The following INSIG2 variants were observed in gnomAD, a reference collection of about 807,000 sequenced individuals.
INSIG2 encodes the protein insulin induced gene 2.
INSIG2 carries 10 observed loss-of-function variants against 27.2 expected under a neutral mutation model. The ratio of observed to expected loss-of-function variants is 0.37; its 90% CI spans 0.23 to 0.62. The LOEUF is 0.62. Ranked by LOEUF, INSIG2 falls within the 20% of genes least tolerant of loss-of-function variation. The probability of loss-of-function intolerance (pLI) is 0.65; values close to 1 mark genes in which losing one functional copy is unlikely to be tolerated. For synonymous variants in INSIG2, 97 were observed against 95.8 expected (o/e 1.01, Z -0.07); for missense variants, 178 against 270.2 (o/e 0.66, Z 2.39).
intron 1 of INSIG2, among the ~76,000 whole-genome samples, chr2:118,094,276 T>G (rs1459832961): frequency 4.3e-5 from 5 of 117,318 alleles, no homozygotes; most frequent in East Asian, 2.5e-4. Flanking sequence ...TGAAGGAGAG[T>G]TCTGTAGCTA....
chr2:118,100,616 G>A (rs538583441), intron 2 of INSIG2, among the ~76,000 whole-genome samples: 5 of 152,094 alleles, frequency 3.3e-5, no homozygotes, highest in South Asian at 2.1e-4. Flanking sequence ...CTGACCTCGC[G>A]ATTCGCCTGC....
At chr2:118,091,041 A>G (rs915703883) in intron 1 of INSIG2, among the ~76,000 whole-genome samples, 2 of 152,248 alleles carry the variant, frequency 1.3e-5, no homozygotes, top group African/African-American at 4.8e-5. Context: ...TTTTTCAAAT[A>G]TAGATTTTTA....
At chr2:118,107,823 G>A (rs1678711323) in intron 5 of INSIG2, among the ~76,000 whole-genome samples, 1 of 152,134 alleles carries the variant, frequency 6.6e-6, no homozygotes, top group Non-Finnish European at 1.5e-5. Flanking sequence ...TTGACTGGAA[G>A]CTTTTGTTAA....
At chr2:118,104,139 G>A (rs1678617253) in intron 3 of INSIG2, among the ~76,000 whole-genome samples, 1 of 152,178 alleles carries the variant, frequency 6.6e-6, no homozygotes, top group Admixed American at 6.5e-5. Flanking sequence ...GAAGGTGGCA[G>A]GAGCCTTGGG....
intron 2 of INSIG2, among the ~76,000 whole-genome samples, chr2:118,100,714 G>A (rs1439577580): frequency 1.8e-4 from 28 of 152,096 alleles, no homozygotes; most frequent in Admixed American, 1.8e-3. Context: ...CCAAGAACCA[G>A]ACATATTGTC....
chr2:118,090,894 G>A (rs1209156550), intron 1 of INSIG2, among the ~76,000 whole-genome samples: 1 of 152,088 alleles, frequency 6.6e-6, no homozygotes, highest in African/African-American at 2.4e-5. Flanking sequence ...ATTTTATTTT[G>A]TAAAATGGAA....
chr2:118,106,256 C>G (rs1345989194), intron 3 of INSIG2, among the ~76,000 whole-genome samples: 2 of 152,178 alleles, frequency 1.3e-5, no homozygotes, highest in Admixed American at 6.5e-5. Context: ...ATGTGGTACC[C>G]TGTTAAATAG....
rs769364955 is a variant in INSIG2, at chr2:118,106,895, T to A, written c.528T>A (p.Gly176=). The A allele has an allele frequency of 6.2e-7, 1 of 1,614,006 alleles. No individual in the cohort carries two copies. The highest frequency in any genetic ancestry group is 8.5e-7 in the Non-Finnish European group (1 of 1,179,916). The change falls in exon 4 of 6, where the codon GGT becomes GGA. Residue 176 remains glycine (G), a synonymous_variant. Transcript: ENST00000245787. ...TVVTQLLVYN[G]VYQYTSPDFL... ...TCACTCAACTGCTAGTATATAATGG[T>A]GTTTACCAGTAAGTATTAATCCTTC...
intron 1 of INSIG2, among the ~76,000 whole-genome samples, chr2:118,095,041 A>G (rs1038805307): frequency 3.3e-5 from 5 of 152,260 alleles, no homozygotes; most frequent in Non-Finnish European, 7.3e-5. Flanking sequence ...TTCTGGGTGC[A>G]TAGGCACAGT....
intron 5 of INSIG2, among the ~76,000 whole-genome samples, chr2:118,107,538 A>G (rs1308819397): frequency 1.3e-5 from 2 of 152,212 alleles, no homozygotes; most frequent in Non-Finnish European, 1.5e-5. Flanking sequence ...TGTTGCTACA[A>G]TAGGTATACA....
Position 118,109,481 on chromosome 2 carries a change from A to G in INSIG2, c.*1159A>G, listed in dbSNP as rs1678760681. ...CATGTTAAAGATCTTAATGGCAACC[A>G]GCACCTCTTAAGTATGGTTTAAACA... On this transcript the variant is annotated 3_prime_UTR_variant, in exon 6 of 6. Coordinates refer to ENST00000245787, the MANE Select transcript of INSIG2 (RefSeq NM_016133.4). 2.0e-5 allele frequency: 3 copies of G among 152,240 alleles called. No homozygotes were observed. The highest frequency in any genetic ancestry group is 4.8e-5 in the African/African-American group (2 of 41,446). The allele number at this position is 152,240 out of a possible 1,614,324, so 9.4% of individuals were successfully genotyped here.
chr2:118,099,564 G>A lies in INSIG2; in HGVS notation c.244+2764G>A, dbSNP rs778230887. ...TAGAAATCTTTTCAGCATTATTGAG[G>A]GCCACAAAGAAATCTTTCTAAAGAA... On this transcript the variant is annotated intron_variant, in intron 2 of 5. Transcript: ENST00000245787. 3.9e-5 allele frequency among the ~76,000 whole-genome samples: 6 copies of A among 152,002 alleles called. No homozygotes were observed. The East Asian group carries it at 1.2e-3, about 29-fold the overall frequency.
intron 3 of INSIG2, among the ~76,000 whole-genome samples, chr2:118,105,080 A>G (rs756202035): frequency 2.0e-5 from 3 of 152,118 alleles, no homozygotes; most frequent in Admixed American, 1.3e-4. Flanking sequence ...TTGCTCTGTC[A>G]CCCAGGCTGG....
chr2:118,105,733 G>A (rs1678657309), intron 3 of INSIG2, among the ~76,000 whole-genome samples: 1 of 152,070 alleles, frequency 6.6e-6, no homozygotes, highest in Admixed American at 6.6e-5. Flanking sequence ...AAAGGAAGTG[G>A]GAAATGGCTT....
At chr2:118,089,175 G>T (rs911967377) in intron 1 of INSIG2, among the ~76,000 whole-genome samples, 22 of 152,150 alleles carry the variant, frequency 1.4e-4, no homozygotes, top group Admixed American at 3.9e-4. Context: ...TATGGAGAAG[G>T]AAAGCAGTGT....
Position 118,096,298 on chromosome 2 carries a change from T to G in INSIG2, c.-138-121T>G, listed in dbSNP as rs1678402408. The G allele has an allele frequency of 1.5e-5, 5 of 331,128 alleles. No individual in the cohort carries two copies. The East Asian group carries it at 2.8e-4, about 18-fold the overall frequency. The allele number at this position is 331,128 out of a possible 1,614,324, so 20.5% of individuals were successfully genotyped here. A position where few individuals can be genotyped will look rare whatever the true frequency, so the allele number is the denominator to read the frequency against. On this transcript the variant is annotated intron_variant, in intron 1 of 5. Transcript: ENST00000245787. Reference sequence around the variant, plus strand: ...AATAACTGTTAGTAATTTGAATAAATTAGTATACAAGCTTGTCATTTTCTT... The same window carrying G: ...AATAACTGTTAGTAATTTGAATAAAGTAGTATACAAGCTTGTCATTTTCTT...
intron 2 of INSIG2, among the ~76,000 whole-genome samples, chr2:118,097,586 C>T (rs1234540412): frequency 6.6e-6 from 1 of 152,064 alleles, no homozygotes; most frequent in African/African-American, 2.4e-5. Flanking sequence ...TAGAGCATTT[C>T]ACAATACTTT....
chr2:118,102,104 G>A (rs150556214), intron 2 of INSIG2, among the ~76,000 whole-genome samples: 13 of 152,304 alleles, frequency 8.5e-5, no homozygotes, highest in African/African-American at 1.4e-4. Context: ...AGATTTTGGC[G>A]TTGTAATTTC....
chr2:118,096,055 AAG>A (rs1288060108), intron 1 of INSIG2, among the ~76,000 whole-genome samples: 1 of 152,132 alleles, frequency 6.6e-6, no homozygotes, highest in Non-Finnish European at 1.5e-5. Context: ...ATTTAGGGAG[AAG>A]AAACAGAGAG....
Sources: gnomAD v4.1 joint callset for allele counts (sites outside exome capture counted in the v4.1 genomes callset) on GRCh38, gnomAD v4.1.1 for gene constraint, MANE v1.5 for transcripts, NCBI Gene and HGNC (gene_info 2026-07-23, HGNC 2026-07-21) for gene names.